Variants in CACNB4 observed in about 807,000 individuals in gnomAD.
CACNB4 encodes voltage-dependent L-type calcium channel subunit beta-4.
CACNB4 carries 32 observed loss-of-function variants against 71.2 expected under a neutral mutation model. The observed-to-expected ratio is 0.45, with a 90% CI of 0.34 to 0.60. CACNB4 has a LOEUF of 0.60. Ranked by LOEUF, CACNB4 falls within the 20% of genes least tolerant of loss-of-function variation. The probability of loss-of-function intolerance (pLI) is 0.01; values close to 1 mark genes in which losing one functional copy is unlikely to be tolerated. For synonymous variants in CACNB4, 231 were observed against 236.9 expected, an observed-to-expected ratio of 0.97 and a Z score of 0.23; for missense variants, 464 against 647.9, an observed-to-expected ratio of 0.72 and a Z score of 3.08.
intron 2 of CACNB4, among the ~76,000 whole-genome samples, chr2:151,945,588 C>A (rs563002397): frequency 1.3e-5 from 2 of 152,194 alleles, no homozygotes; most frequent in East Asian, 3.9e-4. Context: ...GAAGTAGAGG[C>A]TCCAGTGAGC....
chr2:152,004,370 T>C (rs1682599454), intron 2 of CACNB4, among the ~76,000 whole-genome samples: 1 of 152,154 alleles, frequency 6.6e-6, no homozygotes, highest in Non-Finnish European at 1.5e-5. Flanking sequence ...ATTCCTGCCC[T>C]TCTGTGCAAC....
chr2:151,835,924 C>T lies in CACNB4; in HGVS notation c.*3195G>A, dbSNP rs1158969494. ...TTTCATTAAAGACTAACTGCAATGACTTATATAGTCACAAAATTAAGACTC... is the reference window on the plus strand; with the variant it reads ...TTTCATTAAAGACTAACTGCAATGATTTATATAGTCACAAAATTAAGACTC... On this transcript the variant is annotated 3_prime_UTR_variant, in exon 14 of 14. Transcript: ENST00000539935. 2 of 151,812 alleles carry T rather than the reference C, an allele frequency of 1.3e-5. No homozygotes were observed. The highest frequency in any genetic ancestry group is 4.8e-5 in the African/African-American group (2 of 41,418). The allele number at this position is 151,812 out of a possible 1,614,324, so 9.4% of individuals were successfully genotyped here. A position where few individuals can be genotyped will look rare whatever the true frequency, so the allele number is the denominator to read the frequency against.
chr2:151,895,644 T>G (rs760804727), intron 2 of CACNB4, among the ~76,000 whole-genome samples: 11 of 152,220 alleles, frequency 7.2e-5, no homozygotes, highest in Middle Eastern at 6.8e-3. Context: ...TACCTATATA[T>G]ATTTGTACAT....
chr2:151,950,874 G>A (rs1035657114), intron 2 of CACNB4, among the ~76,000 whole-genome samples: 8 of 152,172 alleles, frequency 5.3e-5, no homozygotes, highest in African/African-American at 9.7e-5. Context: ...AAATGCTTCC[G>A]AACTAGATAG....
chr2:152,013,984 T>A (rs1210810130), intron 2 of CACNB4, among the ~76,000 whole-genome samples: 1 of 152,302 alleles, frequency 6.6e-6, no homozygotes, highest in East Asian at 1.9e-4. Flanking sequence ...CCTAGCTGGC[T>A]GGGAAAACAA....
At chr2:151,973,729 C>G (rs762998090) in intron 2 of CACNB4, 2 of 1,612,230 alleles carry the variant, frequency 1.2e-6, no homozygotes, top group Admixed American at 3.3e-5. Context: ...TGTGATAATC[C>G]AGAGCACCTC....
intron 2 of CACNB4, among the ~76,000 whole-genome samples, chr2:152,012,833 T>C (rs1683135953): frequency 6.6e-6 from 1 of 152,194 alleles, no homozygotes; most frequent in Non-Finnish European, 1.5e-5. Flanking sequence ...AGCCTAATTG[T>C]ACAGGGATAA....
chr2:152,054,567 C>T (rs1282290077), intron 2 of CACNB4, among the ~76,000 whole-genome samples: 2 of 152,036 alleles, frequency 1.3e-5, no homozygotes, highest in African/African-American at 2.4e-5. Context: ...TGGACACATG[C>T]CTTCATTTAT....
At chr2:151,935,692 T>TGTTTG (rs1401310582) in intron 2 of CACNB4, among the ~76,000 whole-genome samples, 1 of 152,216 alleles carries the variant, frequency 6.6e-6, no homozygotes, top group Non-Finnish European at 1.5e-5. Flanking sequence ...AGTTATTCTG[T>TGTTTG]GTTTACATTC....
intron 2 of CACNB4, among the ~76,000 whole-genome samples, chr2:151,933,581 A>G (rs552740156): frequency 1.3e-5 from 2 of 152,166 alleles, no homozygotes; most frequent in Non-Finnish European, 2.9e-5. Context: ...CCTGGACTCA[A>G]AGCTGGGTCT....
chr2:151,865,885 A>C (rs1578524519), intron 9 of CACNB4: 1 of 151,590 alleles, frequency 6.6e-6, no homozygotes, highest in Non-Finnish European at 1.5e-5. Context: ...TCCCAGGTTC[A>C]AGTGATTTTC....
chr2:151,969,685 A>G (rs1437530724), intron 2 of CACNB4: 1 of 152,046 alleles, frequency 6.6e-6, no homozygotes, highest in African/African-American at 2.4e-5. Context: ...TGAGACAAAC[A>G]TACATAGTTC....
chr2:152,091,043 CA>C (rs747321169), intron 2 of CACNB4, among the ~76,000 whole-genome samples: 2,949 of 122,086 alleles, frequency 0.024, 56 homozygotes, highest in African/African-American at 0.067. Context: ...GACTCCATCT[CA>C]AAAAAAAAAA....
chr2:151,977,938 G>A (rs1367785209), intron 2 of CACNB4, among the ~76,000 whole-genome samples: 1 of 152,146 alleles, frequency 6.6e-6, no homozygotes, highest in Non-Finnish European at 1.5e-5. Context: ...ATTTTACTAA[G>A]TGACTACAGT....
At chr2:151,976,550 C>A (rs1473733155) in intron 2 of CACNB4, among the ~76,000 whole-genome samples, 1 of 152,094 alleles carries the variant, frequency 6.6e-6, no homozygotes, top group African/African-American at 2.4e-5. Flanking sequence ...AATCAGATCA[C>A]AGGTTGGGGA....
At chr2:151,858,108 A>G (rs2099840739) in intron 10 of CACNB4, 1 of 152,218 alleles carries the variant, frequency 6.6e-6, no homozygotes, top group Non-Finnish European at 1.5e-5. Flanking sequence ...CAAATCAAAA[A>G]ATCTTGGCTA....
chr2:151,954,122 G>A (rs190739084), intron 2 of CACNB4, among the ~76,000 whole-genome samples: 8 of 152,292 alleles, frequency 5.3e-5, no homozygotes, highest in Non-Finnish European at 1.2e-4. Flanking sequence ...TGTGACCAGG[G>A]TTATCAGTGT....
At chr2:151,908,446 G>C (rs1410591693) in intron 2 of CACNB4, among the ~76,000 whole-genome samples, 1 of 152,216 alleles carries the variant, frequency 6.6e-6, no homozygotes, top group African/African-American at 2.4e-5. Flanking sequence ...CTGAACAGGT[G>C]CTGTGAGTGT....
chr2:151,936,064 T>G (rs1444045465), intron 2 of CACNB4: 1 of 152,244 alleles, frequency 6.6e-6, no homozygotes, highest in Admixed American at 6.5e-5. Context: ...ATATCAACTT[T>G]AAGATTCCCA....
Sources: allele counts gnomAD v4.1 joint callset (sites outside exome capture counted in the v4.1 genomes callset), GRCh38; gene constraint gnomAD v4.1.1; transcripts MANE v1.5; gene names NCBI Gene and HGNC (gene_info 2026-07-23, HGNC 2026-07-21).